The following MEIOB variants were observed in gnomAD, a reference collection of about 807,000 sequenced individuals.
MEIOB encodes meiosis-specific with OB domain-containing protein.
In MEIOB, 50 loss-of-function variants were observed where a neutral mutation model predicts 53.1. The observed-to-expected ratio is 0.94, with a 90% confidence interval of 0.75 to 1.19. The LOEUF (loss-of-function observed/expected upper bound fraction) is 1.19, where lower values mean the gene tolerates loss of function less well. Ranked by LOEUF, MEIOB falls within the 50% of genes most tolerant of loss-of-function variation. The pLI, the probability that MEIOB is intolerant of heterozygous loss-of-function variation, is 0.00. For missense variants in MEIOB, 551 were observed against 550.8 expected, an observed-to-expected ratio of 1.00 and a Z score of 0.00; for synonymous variants, 192 against 182.5, an observed-to-expected ratio of 1.05 and a Z score of -0.42.
intron 9 of MEIOB, among the ~76,000 whole-genome samples, chr16:1,850,432 AGCT>A (rs1230588616): frequency 6.6e-6 from 1 of 152,092 alleles, no homozygotes; most frequent in Non-Finnish European, 1.5e-5. Flanking sequence ...CATAAAAATT[AGCT>A]GGGCATGGTA....
intron 6 of MEIOB, among the ~76,000 whole-genome samples, chr16:1,855,849 T>G (rs1899285906): frequency 6.6e-6 from 1 of 151,994 alleles, no homozygotes; most frequent in Non-Finnish European, 1.5e-5. Flanking sequence ...TCTGAAAGGG[T>G]CACGTTCTCT....
chr16:1,847,638 A>G (rs1343852750), intron 9 of MEIOB, among the ~76,000 whole-genome samples: 1 of 151,762 alleles, frequency 6.6e-6, no homozygotes, highest in East Asian at 1.9e-4. Flanking sequence ...AAAAACAGAG[A>G]AAGAAAGAGA....
intron 13 of MEIOB, among the ~76,000 whole-genome samples, chr16:1,835,916 G>C (rs951639681): frequency 6.6e-6 from 1 of 150,568 alleles, no homozygotes; most frequent in Non-Finnish European, 1.5e-5. Context: ...CTGGAGTGCA[G>C]TGGTGAGATC....
intron 3 of MEIOB, among the ~76,000 whole-genome samples, chr16:1,864,834 C>T (rs1165118587): frequency 6.6e-6 from 1 of 152,094 alleles, no homozygotes; most frequent in Non-Finnish European, 1.5e-5. Context: ...ATTTTAATAA[C>T]TACTTTTTTC....
intron 13 of MEIOB, among the ~76,000 whole-genome samples, chr16:1,834,836 G>A (rs1483797212): frequency 1.3e-5 from 2 of 152,214 alleles, no homozygotes; most frequent in Non-Finnish European, 2.9e-5. Flanking sequence ...TCAGAAGGCT[G>A]AGGCAGGAGA....
chr16:1,854,738 G>T (rs1301988375), intron 6 of MEIOB, among the ~76,000 whole-genome samples: 1 of 151,992 alleles, frequency 6.6e-6, no homozygotes, highest in Non-Finnish European at 1.5e-5. Flanking sequence ...AGCCACATGC[G>T]AGATACACAG....
chr16:1,841,986 A>G lies in MEIOB; in HGVS notation c.881-13T>C, dbSNP rs780153616. The G allele has an allele frequency of 5.2e-6, 8 of 1,525,574 alleles. No individual in the cohort carries two copies. Among genetic ancestry groups the G allele is most frequent in the Non-Finnish European group, 7.1e-6 (8 of 1,131,588 alleles). 94.5% of individuals were successfully genotyped at this position (1,525,574 alleles called of 1,614,324 possible). ...ACTATTGTACTTACTAAAAACAGAA[A>G]GAAGTATTACAGTTCTGTATATATT... On this transcript the variant is annotated splice_polypyrimidine_tract_variant and intron_variant, in intron 10 of 13. Transcript: ENST00000325962.
chr16:1,839,103 G>A (rs373593084), intron 12 of MEIOB, 152 bp downstream of exon 12: 3 of 833,574 alleles, frequency 3.6e-6, no homozygotes, highest in South Asian at 4.2e-5. Context: ...GTTCATCAAA[G>A]CAATGTGTGT....
chr16:1,867,678 A>G (rs1034209884), intron 2 of MEIOB, among the ~76,000 whole-genome samples: 10 of 151,750 alleles, frequency 6.6e-5, no homozygotes, highest in Non-Finnish European at 1.0e-4. Flanking sequence ...CTCCATGTTG[A>G]TCAGGCTGGT....
chr16:1,850,813 C>T (rs1254738115), intron 9 of MEIOB, among the ~76,000 whole-genome samples: 6 of 150,472 alleles, frequency 4.0e-5, no homozygotes, highest in Admixed American at 2.7e-4. Flanking sequence ...CCCAGCTACT[C>T]GGGAGGCTGA....
intron 6 of MEIOB, among the ~76,000 whole-genome samples, chr16:1,856,665 T>C (rs7194543): frequency 0.83 from 124,947 of 151,316 alleles, 51,720 homozygotes; most frequent in Middle Eastern, 0.9. Flanking sequence ...TTTCACCATA[T>C]TGGCCAGGCT....
chr16:1,849,036 G>C (rs769699616), intron 9 of MEIOB, among the ~76,000 whole-genome samples: 2 of 152,140 alleles, frequency 1.3e-5, no homozygotes, highest in Non-Finnish European at 2.9e-5. Flanking sequence ...TGTAATCCCA[G>C]CACTTTGGGA....
chr16:1,847,727 G>A (rs1899062279), intron 9 of MEIOB, among the ~76,000 whole-genome samples: 1 of 152,086 alleles, frequency 6.6e-6, no homozygotes, highest in Non-Finnish European at 1.5e-5. Context: ...AAATCGGGCT[G>A]CCCTTGAGTA....
chr16:1,849,701 A>G (rs1253175608), intron 9 of MEIOB, among the ~76,000 whole-genome samples: 1 of 152,110 alleles, frequency 6.6e-6, no homozygotes, highest in African/African-American at 2.4e-5. Context: ...CAAGCACACA[A>G]ATTCGTGCAT....
Position 1,851,994 on chromosome 16 carries a change from C to A in MEIOB, c.778+1045G>T, listed in dbSNP as rs150172574. On this transcript the variant is annotated intron_variant, in intron 9 of 13. Transcript: ENST00000325962. ...CCAATCTGGCTTCCTTGATTTCATG[C>A]TGTAATAAACTGTAACTCCTTCAAC... is the stretch of plus-strand genomic sequence containing the variant. Among the ~76,000 whole-genome samples, 24 of 152,264 alleles carry A rather than the reference C, an allele frequency of 1.6e-4. 1 individual carries two copies. In the East Asian group the frequency reaches 4.4e-3, roughly 28 times the overall value.
chr16:1,871,792 T>C (rs1278670543), intron 1 of MEIOB, among the ~76,000 whole-genome samples: 1 of 34,156 alleles, frequency 2.9e-5, no homozygotes, highest in Non-Finnish European at 6.5e-5. Context: ...ACCCCGTCTA[T>C]ACTAAAAATA....
chr16:1,854,515 C>T (rs567019290), intron 6 of MEIOB, among the ~76,000 whole-genome samples: 15 of 152,336 alleles, frequency 9.8e-5, no homozygotes, highest in African/African-American at 3.1e-4. Context: ...GTGGACTCCT[C>T]GAGGGCAGGG....
At chr16:1,850,629 A>G (rs2142087053) in intron 9 of MEIOB, among the ~76,000 whole-genome samples, 1 of 151,648 alleles carries the variant, frequency 6.6e-6, no homozygotes, top group East Asian at 1.9e-4. Flanking sequence ...CTAATAATAA[A>G]CCATACATAG....
chr16:1,869,102 TTTTA>T (rs1651049861), intron 1 of MEIOB, among the ~76,000 whole-genome samples: 1 of 152,146 alleles, frequency 6.6e-6, no homozygotes, highest in African/African-American at 2.4e-5. Flanking sequence ...TTTAGTTTTA[TTTTA>T]TTTTTTAATT....
Sources: gnomAD v4.1 joint callset for allele counts (sites outside exome capture counted in the v4.1 genomes callset) on GRCh38, gnomAD v4.1.1 for gene constraint, MANE v1.5 for transcripts, NCBI Gene and HGNC (gene_info 2026-07-23, HGNC 2026-07-21) for gene names.